Variants in FRRS1L observed in about 807,000 individuals in gnomAD.
FRRS1L encodes the protein DOMON domain-containing protein FRRS1L.
FRRS1L carries 22 observed loss-of-function variants against 28.6 expected under a neutral mutation model. The ratio of observed to expected loss-of-function variants is 0.77; its 90% CI spans 0.55 to 1.10. The LOEUF (loss-of-function observed/expected upper bound fraction) is 1.10. FRRS1L is among the 50% of genes least tolerant of loss of function. The probability of loss-of-function intolerance (pLI) is 0.00; values close to 1 mark genes in which losing one functional copy is unlikely to be tolerated. For missense variants in FRRS1L, 380 were observed against 386.9 expected (o/e 0.98, Z 0.15); for synonymous variants, 158 against 151.4 (o/e 1.04, Z -0.32).
chr9:109,149,966 C>G (rs1163973901), intron 1 of FRRS1L: 3 of 414,686 alleles, frequency 7.2e-6, no homozygotes, highest in Non-Finnish European at 1.3e-5. Context: ...GGAGAGGAAC[C>G]TGGGGCACTG....
chr9:109,141,723 A>G (rs1831190048), intron 3 of FRRS1L, 134 bp from the exon 4 acceptor site: 11 of 907,348 alleles, frequency 1.2e-5, no homozygotes, highest in Non-Finnish European at 1.8e-5. Flanking sequence ...GCCATTAAAA[A>G]GTCTCAACCA....
rs1588093984 is a variant in FRRS1L, at chr9:109,131,565, T to C, written c.*5890A>G. ...ACATGCTCCTCAAGTTACAAGAGGG[T>C]TATGTCTCAGTAAACCCATCAATTG... is the stretch of plus-strand genomic sequence containing the variant. On this transcript the variant is annotated 3_prime_UTR_variant, in exon 5 of 5. Coordinates refer to ENST00000561981, the MANE Select transcript of FRRS1L (RefSeq NM_014334.4). The C allele has an allele frequency of 6.6e-6, 1 of 151,630 alleles. No individual in the cohort carries two copies. Among genetic ancestry groups the C allele is most frequent in the Non-Finnish European group, 1.5e-5 (1 of 67,914 alleles). 9.4% of individuals were successfully genotyped at this position (151,630 alleles called of 1,614,324 possible).
rs1307016085 is a variant in FRRS1L at position 109,135,050 on chromosome 9, A to T, written c.*2405T>A. 1.3e-5 allele frequency: 2 copies of T among 152,122 alleles called. No individual in the cohort carries two copies. 9.4% of individuals were successfully genotyped at this position (152,122 alleles called of 1,614,324 possible). Reference sequence around the variant, plus strand: ...CTGCAATGAACAGAATTTCTCCTCCATCCCTCCTTGGAAGCTTTTGGTAAC... The same window carrying T: ...CTGCAATGAACAGAATTTCTCCTCCTTCCCTCCTTGGAAGCTTTTGGTAAC... On this transcript the variant is annotated 3_prime_UTR_variant, in exon 5 of 5. Transcript: ENST00000561981.
At chr9:109,145,811 G>A (rs1831252774) in intron 3 of FRRS1L, among the ~76,000 whole-genome samples, 1 of 152,176 alleles carries the variant, frequency 6.6e-6, no homozygotes, top group African/African-American at 2.4e-5. Context: ...ACAGGGTGTT[G>A]AAGCTCCTCA....
chr9:109,161,196 C>T (rs1285056254), intron 1 of FRRS1L, among the ~76,000 whole-genome samples: 1 of 152,146 alleles, frequency 6.6e-6, no homozygotes, highest in Non-Finnish European at 1.5e-5. Context: ...TGTTGAACCA[C>T]CCAGACACAA....
intron 3 of FRRS1L, among the ~76,000 whole-genome samples, chr9:109,145,137 A>C (rs2118477947): frequency 6.6e-6 from 1 of 152,318 alleles, no homozygotes; most frequent in South Asian, 2.1e-4. Context: ...AGAAAGTCTC[A>C]TAGTTTGGGA....
intron 1 of FRRS1L, chr9:109,150,103 T>C (rs946091649): frequency 6.4e-6 from 1 of 157,468 alleles, no homozygotes; most frequent in African/African-American, 2.4e-5. Context: ...ATATACTTGA[T>C]AGTGGGATTT....
intron 2 of FRRS1L, among the ~76,000 whole-genome samples, chr9:109,148,769 T>C (rs769588129): frequency 2.8e-4 from 42 of 152,192 alleles, no homozygotes; most frequent in Non-Finnish European, 5.7e-4. Flanking sequence ...TTGAAGCCAG[T>C]AGAGTACTAA....
chr9:109,142,250 CAAAATTCCAG>C (rs919544947), intron 3 of FRRS1L, among the ~76,000 whole-genome samples: 42 of 151,952 alleles, frequency 2.8e-4, no homozygotes, highest in African/African-American at 9.9e-4. Flanking sequence ...ATTTAAATGC[CAAAATTCCAG>C]AAAATAACAA....
intron 3 of FRRS1L, among the ~76,000 whole-genome samples, chr9:109,145,775 G>C (rs1015285665): frequency 6.6e-6 from 1 of 152,050 alleles, no homozygotes; most frequent in Non-Finnish European, 1.5e-5. Flanking sequence ...TGAACAGATG[G>C]AGGTGCCTGA....
At chr9:109,155,819 T>G (rs1232846531) in intron 1 of FRRS1L, among the ~76,000 whole-genome samples, 1 of 150,918 alleles carries the variant, frequency 6.6e-6, no homozygotes, top group African/African-American at 2.4e-5. Context: ...TAGCTAAAGG[T>G]ATAGGATTTC....
At chr9:109,140,564 G>A (rs952120090) in intron 4 of FRRS1L, 3 of 152,100 alleles carry the variant, frequency 2.0e-5, no homozygotes, top group African/African-American at 7.2e-5. Flanking sequence ...AAATATTTAA[G>A]GAGTAATGGG....
chr9:109,135,381 G>A lies in FRRS1L; in HGVS notation c.*2074C>T, dbSNP rs1196299857. 2 of 152,192 alleles carry A rather than the reference G, an allele frequency of 1.3e-5. No individual in the cohort carries two copies. Among genetic ancestry groups the A allele is most frequent in the Admixed American group, 1.3e-4 (2 of 15,284 alleles). The allele number at this position is 152,192 out of a possible 1,614,324, so 9.4% of individuals were successfully genotyped here. A position where few individuals can be genotyped will look rare whatever the true frequency, so the allele number is the denominator to read the frequency against. ...AACAAAGAACAAAGGAGTCCTTTGG[G>A]GCGCCTAATGTCAAGGCATTACTAT... On this transcript the variant is annotated 3_prime_UTR_variant, in exon 5 of 5. Transcript: ENST00000561981.
At position 109,161,238 on chromosome 9, in the gene FRRS1L, G is replaced by A. The variant is rs151161403; in HGVS notation, c.238+5663C>T. ...TTTCCCTCTTCCCTTCGCTCTGTCC[G>A]TTCCCCCATTTTTCATCACTTAAAT... is the stretch of plus-strand genomic sequence containing the variant. On this transcript the variant is annotated intron_variant, in intron 1 of 4. Transcript: ENST00000561981. 8.0e-4 allele frequency among the ~76,000 whole-genome samples: 121 copies of A among 151,460 alleles called. 1 individual carries two copies. In the East Asian group the frequency reaches 0.011, roughly 13 times the overall value.
chr9:109,141,965 A>G (rs1197999402), intron 3 of FRRS1L, among the ~76,000 whole-genome samples: 1 of 152,040 alleles, frequency 6.6e-6, no homozygotes, highest in African/African-American at 2.4e-5. Context: ...AAGAAAAAAA[A>G]AAAAAAGGCT....
chr9:109,158,561 G>T (rs1831438497), intron 1 of FRRS1L, among the ~76,000 whole-genome samples: 2 of 152,074 alleles, frequency 1.3e-5, no homozygotes, highest in Admixed American at 6.6e-5. Flanking sequence ...GCTTATTCTG[G>T]ACATTTTATA....
At position 109,163,475 on chromosome 9, in the gene FRRS1L, C is replaced by G. The variant is rs530741040; in HGVS notation, c.238+3426G>C. ...AGTGGGACCCTCAAAGAATTCTGAA[C>G]ACTAGCATAACTTAAGTTTTTAAAA... On this transcript the variant is annotated intron_variant, in intron 1 of 4. Coordinates refer to ENST00000561981, the MANE Select transcript of FRRS1L (RefSeq NM_014334.4). Among the ~76,000 whole-genome samples the G allele has an allele frequency of 6.8e-4, 104 of 152,288 alleles. 4 individuals are homozygous for G. In the South Asian group the frequency reaches 0.021, roughly 31 times the overall value.
chr9:109,152,124 A>C (rs1482126876), intron 1 of FRRS1L: 1 of 151,986 alleles, frequency 6.6e-6, no homozygotes, highest in Non-Finnish European at 1.5e-5. Context: ...CTCAATAAAT[A>C]CCAGTTACTA....
chr9:109,164,184 C>T lies in FRRS1L; in HGVS notation c.238+2717G>A, dbSNP rs565052189. On this transcript the variant is annotated intron_variant, in intron 1 of 4. Coordinates refer to ENST00000561981, the MANE Select transcript of FRRS1L (RefSeq NM_014334.4). ...TAGCAGAGGCACTGCCTCTGATAGC[C>T]CCACGCCACTTACATCTCAACTAGC... 5.9e-5 allele frequency among the ~76,000 whole-genome samples: 9 copies of T among 152,172 alleles called. No homozygotes were observed. The East Asian group carries it at 1.7e-3, about 29-fold the overall frequency.
Sources: gnomAD v4.1 joint callset for allele counts (sites outside exome capture counted in the v4.1 genomes callset) on GRCh38, gnomAD v4.1.1 for gene constraint, MANE v1.5 for transcripts, NCBI Gene and HGNC (gene_info 2026-07-23, HGNC 2026-07-21) for gene names.